Variants in OSBP2 observed in about 807,000 individuals in gnomAD.
OSBP2 encodes the protein oxysterol binding protein 2.
Under a neutral mutation model 96.0 loss-of-function variants are expected in OSBP2, and 66 were observed. That is an observed-to-expected ratio of 0.69 (90% confidence interval 0.56 to 0.84). OSBP2 has a LOEUF of 0.84. Among genes scored for constraint, OSBP2 ranks in the 40% least tolerant of loss-of-function variants. OSBP2 has a pLI of 0.00. For missense variants in OSBP2, 1,038 were observed against 1,222.7 expected, an observed-to-expected ratio of 0.85 and a Z score of 2.25; for synonymous variants, 525 against 520.9, an observed-to-expected ratio of 1.01 and a Z score of -0.11.
At chr22:30,774,313 A>G (rs1424648901) in intron 2 of OSBP2, among the ~76,000 whole-genome samples, 1 of 152,160 alleles carries the variant, frequency 6.6e-6, no homozygotes, top group Non-Finnish European at 1.5e-5. Flanking sequence ...CTTGCCTAGG[A>G]TCACCATTGG....
chr22:30,802,143 A>C (rs1294885653), intron 2 of OSBP2, among the ~76,000 whole-genome samples: 1 of 152,168 alleles, frequency 6.6e-6, no homozygotes, highest in East Asian at 1.9e-4. Flanking sequence ...TTCAGAGGAG[A>C]AACTGAGGCT....
intron 2 of OSBP2, among the ~76,000 whole-genome samples, chr22:30,795,168 C>G (rs2145832100): frequency 6.6e-6 from 1 of 152,268 alleles, no homozygotes; most frequent in South Asian, 2.1e-4. Context: ...GCCTCAGCCT[C>G]CCAAAGTGCT....
intron 2 of OSBP2, among the ~76,000 whole-genome samples, chr22:30,747,386 C>G (rs1471694470): frequency 6.6e-6 from 1 of 152,098 alleles, no homozygotes; most frequent in African/African-American, 2.4e-5. Flanking sequence ...GAGGCTGAGG[C>G]AAGAGGATTG....
chr22:30,901,042 TTAAAAA>T (rs1236758518), intron 12 of OSBP2, among the ~76,000 whole-genome samples: 2 of 152,178 alleles, frequency 1.3e-5, no homozygotes, highest in Non-Finnish European at 2.9e-5. Flanking sequence ...TTTATCATAG[TTAAAAA>T]TAAAAATTTT....
Position 30,890,766 on chromosome 22 carries a change from G to T in OSBP2, c.1662G>T (p.Leu554=). ...FNEPLSMLQR[L]TEDLEYHHLL... ...AGCCCCTGTCCATGCTCCAGCGGCT[G>T]ACAGAGGACCTGGAGTACCACCACC... The change falls in exon 8 of 14, where the codon CTG becomes CTT. Residue 554 remains leucine (L), a synonymous_variant. Coordinates refer to ENST00000332585, the MANE Select transcript of OSBP2 (RefSeq NM_030758.4). This position sits in a 1 kb window ranked among gnomAD's most constrained non-coding sequence, Gnocchi z 4.4. 1 of 1,613,292 alleles carries T rather than the reference G, an allele frequency of 6.2e-7. No individual in the cohort carries two copies.
At chr22:30,788,795 C>T (rs1363270396) in intron 2 of OSBP2, among the ~76,000 whole-genome samples, 1 of 152,178 alleles carries the variant, frequency 6.6e-6, no homozygotes, top group African/African-American at 2.4e-5. Context: ...TCACTGCAAC[C>T]TCTGCCTCCC....
chr22:30,868,319 G>T (rs929064153), intron 2 of OSBP2, among the ~76,000 whole-genome samples: 1 of 152,242 alleles, frequency 6.6e-6, no homozygotes, highest in East Asian at 1.9e-4. Context: ...TTGCCTGCAG[G>T]GAGGGAAGAA....
At chr22:30,752,897 CAA>C (rs1443091393) in intron 2 of OSBP2, among the ~76,000 whole-genome samples, 2 of 152,164 alleles carry the variant, frequency 1.3e-5, no homozygotes, top group African/African-American at 4.8e-5. Flanking sequence ...GTCATTGCTA[CAA>C]AAAGTCTTAA....
At chr22:30,723,105 A>G (rs1014737422) in intron 1 of OSBP2, among the ~76,000 whole-genome samples, 2 of 149,054 alleles carry the variant, frequency 1.3e-5, no homozygotes, top group East Asian at 2.0e-4. Context: ...ACTTTCATAC[A>G]TTACAATTGG....
chr22:30,898,709 T>C (rs1041225647), intron 12 of OSBP2, among the ~76,000 whole-genome samples: 3 of 151,806 alleles, frequency 2.0e-5, no homozygotes, highest in African/African-American at 7.3e-5. Context: ...GTCCCTCCCC[T>C]GACATGTGGG....
chr22:30,811,169 C>CG (rs1180473193), intron 2 of OSBP2, among the ~76,000 whole-genome samples: 1 of 147,342 alleles, frequency 6.8e-6, no homozygotes, highest in Non-Finnish European at 1.5e-5. Flanking sequence ...ACACAACCCC[C>CG]CCCCCACACA....
intron 2 of OSBP2, among the ~76,000 whole-genome samples, chr22:30,782,651 T>G (rs1356916096): frequency 3.9e-5 from 6 of 152,196 alleles, no homozygotes; most frequent in Non-Finnish European, 1.5e-5. Context: ...CGCACCACAG[T>G]GTATTTATCT....
intron 2 of OSBP2, among the ~76,000 whole-genome samples, chr22:30,833,147 A>G (rs1444147066): frequency 6.6e-6 from 1 of 152,192 alleles, no homozygotes; most frequent in Non-Finnish European, 1.5e-5. Flanking sequence ...CTTAGAGATG[A>G]TTTACCAAAC....
chr22:30,739,511 G>GTC (rs136353), intron 1 of OSBP2, among the ~76,000 whole-genome samples: 9,101 of 152,222 alleles, frequency 0.06, 283 homozygotes, highest in Middle Eastern at 0.095. Flanking sequence ...GTCTCGCTCT[G>GTC]TCACCCAGGC....
intron 12 of OSBP2, chr22:30,902,624 T>A (rs2040239688): frequency 1.5e-6 from 1 of 662,460 alleles, no homozygotes; most frequent in Admixed American, 2.2e-5. Flanking sequence ...CAACATGGAT[T>A]TCAAAGAACC....
intron 2 of OSBP2, among the ~76,000 whole-genome samples, chr22:30,850,554 C>T (rs2038960264): frequency 6.6e-6 from 1 of 152,126 alleles, no homozygotes; most frequent in South Asian, 2.1e-4. Context: ...GGCTAGAGTG[C>T]AGTGGTGTGA....
chr22:30,888,708 AAC>A (rs945267005), intron 5 of OSBP2, among the ~76,000 whole-genome samples: 2 of 152,174 alleles, frequency 1.3e-5, no homozygotes, highest in African/African-American at 4.8e-5. Context: ...TAGCCTGGGC[AAC>A]AGAGAGACCC....
At chr22:30,787,572 C>G (rs1208783344) in intron 2 of OSBP2, among the ~76,000 whole-genome samples, 1 of 152,074 alleles carries the variant, frequency 6.6e-6, no homozygotes, top group African/African-American at 2.4e-5. Context: ...AATCGGGAGG[C>G]TGAAGCATGA....
At chr22:30,887,713 G>A in intron 4 of OSBP2, 95 bp downstream of exon 4, 1 of 1,105,748 alleles carries the variant, frequency 9.0e-7, no homozygotes, top group African/African-American at 1.5e-5. Context: ...ATCCCTGGCT[G>A]TGCCCACATG....
Sources: allele counts gnomAD v4.1 joint callset (sites outside exome capture counted in the v4.1 genomes callset), GRCh38; gene constraint gnomAD v4.1.1; non-coding constraint Gnocchi (gnomAD v3.1); transcripts MANE v1.5; gene names NCBI Gene and HGNC (gene_info 2026-07-23, HGNC 2026-07-21).